The following CCSER1 variants were observed in gnomAD, a reference collection of about 807,000 sequenced individuals.
CCSER1 encodes coiled-coil serine rich protein 1.
CCSER1 carries 41 observed loss-of-function variants against 82.0 expected under a neutral mutation model. The ratio of observed to expected loss-of-function variants is 0.50; its 90% CI spans 0.39 to 0.65. The LOEUF (loss-of-function observed/expected upper bound fraction) is 0.65. CCSER1 is among the 30% of genes least tolerant of loss of function. CCSER1 has a pLI of 0.00. For synonymous variants in CCSER1, 414 were observed against 383.9 expected (o/e 1.08, Z -0.92); for missense variants, 1,119 against 1,064.2 (o/e 1.05, Z -0.72).
chr4:91,097,658 C>A (rs982160126), intron 10 of CCSER1, among the ~76,000 whole-genome samples: 3 of 152,136 alleles, frequency 2.0e-5, no homozygotes, highest in African/African-American at 7.2e-5. Flanking sequence ...TAGACATACT[C>A]ATTCCATTAC....
chr4:90,410,284 A>G (rs2153553913), intron 4 of CCSER1, among the ~76,000 whole-genome samples: 1 of 152,322 alleles, frequency 6.6e-6, no homozygotes, highest in African/African-American at 2.4e-5. Context: ...AGTGGACCTA[A>G]TAGTCATCTG....
At chr4:90,876,173 C>T (rs998149019) in intron 8 of CCSER1, among the ~76,000 whole-genome samples, 3 of 151,970 alleles carry the variant, frequency 2.0e-5, no homozygotes, top group African/African-American at 7.2e-5. Flanking sequence ...AATTAGAAGA[C>T]CAGAAAAGCT....
At chr4:90,268,063 A>G (rs1408104787) in intron 1 of CCSER1, among the ~76,000 whole-genome samples, 1 of 152,186 alleles carries the variant, frequency 6.6e-6, no homozygotes, top group Non-Finnish European at 1.5e-5. Context: ...AATATTCCTC[A>G]AGCAAAAAGG....
chr4:90,747,640 T>C (rs77087573), intron 7 of CCSER1, among the ~76,000 whole-genome samples: 9,069 of 152,110 alleles, frequency 0.06, 300 homozygotes, highest in East Asian at 0.15. Context: ...AATTTTCTTT[T>C]TTTTTTCTTT....
chr4:90,916,496 C>T (rs1338895753), intron 8 of CCSER1, among the ~76,000 whole-genome samples: 2 of 152,042 alleles, frequency 1.3e-5, no homozygotes, highest in African/African-American at 2.4e-5. Flanking sequence ...TTCCTTACAC[C>T]TTATACAAAA....
At chr4:90,690,057 T>G (rs2149224012) in intron 6 of CCSER1, among the ~76,000 whole-genome samples, 1 of 152,154 alleles carries the variant, frequency 6.6e-6, no homozygotes, top group Admixed American at 6.6e-5. Flanking sequence ...CTGGCCAAAT[T>G]GTGGTAGTCA....
chr4:90,957,214 G>A (rs1373951602), intron 9 of CCSER1, among the ~76,000 whole-genome samples: 2 of 134,088 alleles, frequency 1.5e-5, no homozygotes, highest in Non-Finnish European at 3.1e-5. Context: ...GCAATTCTCT[G>A]CCTCAGCCTC....
At chr4:90,384,518 G>A (rs757640856) in intron 3 of CCSER1, among the ~76,000 whole-genome samples, 2 of 151,946 alleles carry the variant, frequency 1.3e-5, no homozygotes, top group Non-Finnish European at 2.9e-5. Flanking sequence ...TTCTTGCAAT[G>A]CATTCTTAGA....
At chr4:90,962,969 A>C (rs1408857672) in intron 9 of CCSER1, among the ~76,000 whole-genome samples, 1 of 152,066 alleles carries the variant, frequency 6.6e-6, no homozygotes, top group African/African-American at 2.4e-5. Flanking sequence ...AGGTAATTAT[A>C]TATTGTTCTA....
At chr4:91,496,631 AATAT>A (rs376815582) in intron 10 of CCSER1, among the ~76,000 whole-genome samples, 1 of 22,474 alleles carries the variant, frequency 4.4e-5, no homozygotes, top group Non-Finnish European at 1.0e-4. Flanking sequence ...TATATATTTG[AATAT>A]ATATATATTC....
chr4:90,172,859 GTTGGTGTGCAGTAGGA>G (rs1175934300), intron 1 of CCSER1, among the ~76,000 whole-genome samples: 1 of 151,886 alleles, frequency 6.6e-6, no homozygotes, highest in Non-Finnish European at 1.5e-5. Context: ...TTAGGTAGTG[GTTGGTGTGCAGTAGGA>G]CTGGAGAGTA....
At chr4:90,250,937 T>C (rs1260430142) in intron 1 of CCSER1, among the ~76,000 whole-genome samples, 1 of 152,018 alleles carries the variant, frequency 6.6e-6, no homozygotes. Flanking sequence ...GATTTTTTCT[T>C]GTGAATGCTA....
intron 5 of CCSER1, among the ~76,000 whole-genome samples, chr4:90,584,016 G>A (rs573245441): frequency 3.9e-5 from 6 of 152,100 alleles, no homozygotes; most frequent in Non-Finnish European, 5.9e-5. Flanking sequence ...TAATTCAAAT[G>A]TCACGGTGGT....
chr4:91,063,698 T>C (rs983332455), intron 9 of CCSER1, among the ~76,000 whole-genome samples: 4 of 152,146 alleles, frequency 2.6e-5, no homozygotes, highest in Non-Finnish European at 4.4e-5. Flanking sequence ...GATTCTTCCT[T>C]TGGGTTTCTT....
intron 4 of CCSER1, among the ~76,000 whole-genome samples, chr4:90,405,448 A>T (rs542885138): frequency 6.6e-6 from 1 of 152,214 alleles, no homozygotes; most frequent in Non-Finnish European, 1.5e-5. Context: ...TGATGGAATA[A>T]CTGAGGAAAA....
intron 8 of CCSER1, among the ~76,000 whole-genome samples, chr4:90,914,715 GAAAAAAAAAAAAAAC>G (rs1727027220): frequency 7.8e-6 from 1 of 128,628 alleles, no homozygotes; most frequent in Non-Finnish European, 1.7e-5. Context: ...GCTTTTTATT[GAAAAAAAAAAAAAAC>G]TTTTTTGAAA....
chr4:90,187,383 C>T (rs1267161692), intron 1 of CCSER1, among the ~76,000 whole-genome samples: 4 of 144,692 alleles, frequency 2.8e-5, no homozygotes, highest in East Asian at 4.1e-4. Flanking sequence ...TTTTGGCCAC[C>T]GTTGAAATCA....
intron 10 of CCSER1, among the ~76,000 whole-genome samples, chr4:91,160,735 ATGTTGT>A (rs142047956): frequency 1.3e-5 from 2 of 151,672 alleles, no homozygotes; most frequent in South Asian, 2.1e-4. Context: ...CCACTTTTTG[ATGTTGT>A]TGTTGTTGTT....
chr4:91,396,501 A>C (rs1342505112), intron 10 of CCSER1, among the ~76,000 whole-genome samples: 1 of 151,816 alleles, frequency 6.6e-6, no homozygotes, highest in Non-Finnish European at 1.5e-5. Context: ...GTACTAGAAG[A>C]ATGTACCTAA....
Sources: gnomAD v4.1 joint callset for allele counts (sites outside exome capture counted in the v4.1 genomes callset) on GRCh38, gnomAD v4.1.1 for gene constraint, MANE v1.5 for transcripts, NCBI Gene and HGNC (gene_info 2026-07-23, HGNC 2026-07-21) for gene names.